Variants in CHRNB3 observed in about 807,000 individuals in gnomAD.
The protein encoded by CHRNB3 is cholinergic receptor nicotinic beta 3 subunit, also known as neuronal acetylcholine receptor subunit beta-3.
In CHRNB3, 37 loss-of-function variants were observed where a neutral mutation model predicts 40.6. The ratio of observed to expected loss-of-function variants is 0.91; its 90% CI spans 0.70 to 1.20. CHRNB3 has a LOEUF of 1.20. Among genes scored for constraint, CHRNB3 ranks in the 50% most tolerant of loss-of-function variants. The probability of loss-of-function intolerance (pLI) is 0.00; values close to 1 mark genes in which losing one functional copy is unlikely to be tolerated. For synonymous variants in CHRNB3, 207 were observed against 207.1 expected (o/e 1.00, Z 0.00); for missense variants, 505 against 551.2 (o/e 0.92, Z 0.84).
chr8:42,725,380 G>A (rs1404118023), intron 3 of CHRNB3, among the ~76,000 whole-genome samples: 3 of 151,990 alleles, frequency 2.0e-5, no homozygotes, highest in Admixed American at 1.3e-4. Flanking sequence ...GTGAGCCACC[G>A]CACCCGGCCA....
chr8:42,713,948 C>G (rs574435345), intron 3 of CHRNB3, among the ~76,000 whole-genome samples: 4 of 152,210 alleles, frequency 2.6e-5, no homozygotes, highest in African/African-American at 9.6e-5. Context: ...ACAGGAGGAG[C>G]CAAAGCAGGA....
intron 1 of CHRNB3, among the ~76,000 whole-genome samples, chr8:42,697,948 A>G (rs934599414): frequency 2.0e-5 from 3 of 152,246 alleles, no homozygotes; most frequent in Admixed American, 1.3e-4. Context: ...GAAATTTACT[A>G]TATCAACATT....
At chr8:42,707,876 G>A (rs75431302) in intron 1 of CHRNB3, among the ~76,000 whole-genome samples, 1 of 152,238 alleles carries the variant, frequency 6.6e-6, no homozygotes, top group African/African-American at 2.4e-5. Flanking sequence ...CACCCACTAT[G>A]GGCCAGGCAC....
chr8:42,707,768 T>G (rs1815942210), intron 1 of CHRNB3, among the ~76,000 whole-genome samples: 1 of 152,138 alleles, frequency 6.6e-6, no homozygotes, highest in Non-Finnish European at 1.5e-5. Context: ...AAGGAAAGAC[T>G]CTTCCTTGGG....
Position 42,703,435 on chromosome 8 carries a change from A to AAAAATATATATATATATATATATATAT in CHRNB3, c.53-5281_53-5280insAAATATATATATATATATATATATATA. On this transcript the variant is annotated intron_variant, in intron 1 of 5. Coordinates refer to ENST00000289957, the MANE Select transcript of CHRNB3 (RefSeq NM_000749.5). ...CAAGACTTCGTCTAAAAAAAAAAAA[A>AAAAATATATATATATATATATATATAT]ATATTTATATATATATATATATATA... Among the ~76,000 whole-genome samples the AAAAATATATATATATATATATATATAT allele has an allele frequency of 9.7e-4, 46 of 47,378 alleles. 2 individuals are homozygous for AAAAATATATATATATATATATATATAT. The highest frequency in any genetic ancestry group is 1.4e-3 in the Non-Finnish European group (30 of 21,504). 31.1% of individuals were successfully genotyped at this position (47,378 alleles called of 152,430 possible).
intron 3 of CHRNB3, among the ~76,000 whole-genome samples, chr8:42,718,317 A>AC (rs1353434113): frequency 6.6e-6 from 1 of 152,132 alleles, no homozygotes; most frequent in African/African-American, 2.4e-5. Flanking sequence ...GCAAATCAAG[A>AC]CAACAGCAAA....
chr8:42,725,778 G>T, intron 3 of CHRNB3: 1 of 896,078 alleles, frequency 1.1e-6, no homozygotes, highest in East Asian at 2.4e-5. Context: ...GTTTCAAAAT[G>T]AGTTCCCAGA....
chr8:42,732,118 G>A lies in CHRNB3; in HGVS notation c.811G>A (p.Val271Ile), dbSNP rs1173756143. ...AGAAAAACTTTCATTATCCACATCG[G>A]TCTTGGTTTCTCTGACAGTTTTCCT... ...EGEKLSLSTS[V>I]LVSLTVFLLV... Residue 271 changes from valine to isoleucine, a missense_variant, in exon 5 of 6, where the codon GTC (valine) becomes ATC (isoleucine). Coordinates refer to ENST00000289957, the MANE Select transcript of CHRNB3 (RefSeq NM_000749.5). 9.9e-6 allele frequency: 16 copies of A among 1,613,406 alleles called. No homozygotes were observed. The highest frequency in any genetic ancestry group is 6.7e-5 in the Admixed American group (4 of 59,826).
chr8:42,711,915 G>A (rs1434407530), intron 3 of CHRNB3, among the ~76,000 whole-genome samples: 5 of 151,742 alleles, frequency 3.3e-5, no homozygotes, highest in Non-Finnish European at 7.4e-5. Flanking sequence ...TGTGTCCATG[G>A]GTACCAGTTG....
At chr8:42,732,698 C>T in intron 5 of CHRNB3, 149 bp downstream of exon 5, 1 of 749,420 alleles carries the variant, frequency 1.3e-6, no homozygotes, top group Non-Finnish European at 2.0e-6. Context: ...TAAAGCAAGC[C>T]CTGACATAAC....
At chr8:42,711,750 T>C (rs62516747) in intron 3 of CHRNB3, among the ~76,000 whole-genome samples, 9,048 of 152,226 alleles carry the variant, frequency 0.059, 325 homozygotes, top group Middle Eastern at 0.11. Context: ...GGATATATTG[T>C]GTGATGCTGG....
intron 1 of CHRNB3, among the ~76,000 whole-genome samples, chr8:42,708,415 G>A (rs1299554114): frequency 2.0e-5 from 3 of 151,988 alleles, no homozygotes; most frequent in African/African-American, 4.8e-5. Flanking sequence ...GCAGTGAGCC[G>A]AGATCGCGCC....
At chr8:42,698,342 A>C (rs1815714849) in intron 1 of CHRNB3, among the ~76,000 whole-genome samples, 1 of 152,170 alleles carries the variant, frequency 6.6e-6, no homozygotes, top group Admixed American at 6.6e-5. Flanking sequence ...TGAGAACAGA[A>C]AGTTTTCCCC....
chr8:42,730,544 TA>T, intron 3 of CHRNB3, 49 bp from the exon 4 acceptor site: 1 of 1,132,286 alleles, frequency 8.8e-7, no homozygotes, highest in Admixed American at 2.2e-5. Flanking sequence ...TTTCAAGATC[TA>T]ATACATTGAA....
At chr8:42,700,551 C>T (rs906911836) in intron 1 of CHRNB3, among the ~76,000 whole-genome samples, 12 of 150,854 alleles carry the variant, frequency 8.0e-5, no homozygotes, top group African/African-American at 2.9e-4. Flanking sequence ...AACTCCTGAC[C>T]TTAGGAGATC....
chr8:42,700,824 T>G (rs1815779532), intron 1 of CHRNB3, among the ~76,000 whole-genome samples: 1 of 152,132 alleles, frequency 6.6e-6, no homozygotes, highest in Non-Finnish European at 1.5e-5. Context: ...CTGTTAAGTC[T>G]TATCAGTTGT....
chr8:42,713,820 A>G (rs150470533), intron 3 of CHRNB3, among the ~76,000 whole-genome samples: 1 of 152,274 alleles, frequency 6.6e-6, no homozygotes, highest in Non-Finnish European at 1.5e-5. Context: ...CCCCTGTTTT[A>G]TAGAGATAGA....
intron 5 of CHRNB3, among the ~76,000 whole-genome samples, chr8:42,735,070 A>G (rs1025151907): frequency 3.3e-5 from 5 of 151,558 alleles, no homozygotes. Context: ...AATACAAAAA[A>G]TTAGCCGGGC....
intron 3 of CHRNB3, among the ~76,000 whole-genome samples, chr8:42,720,472 T>C (rs979440364): frequency 9.2e-5 from 14 of 152,186 alleles, no homozygotes; most frequent in South Asian, 8.3e-4. Context: ...GGAAATGCCT[T>C]CCCTGTCTAC....
Sources: allele counts gnomAD v4.1 joint callset (sites outside exome capture counted in the v4.1 genomes callset), GRCh38; gene constraint gnomAD v4.1.1; transcripts MANE v1.5; gene names NCBI Gene and HGNC (gene_info 2026-07-23, HGNC 2026-07-21).